The following SUPT3H variants were observed in gnomAD, a reference collection of about 807,000 sequenced individuals.
SUPT3H encodes the protein transcription initiation protein SPT3 homolog.
Under a neutral mutation model 44.3 loss-of-function variants are expected in SUPT3H, and 44 were observed. The observed-to-expected ratio is 0.99, with a 90% CI of 0.78 to 1.28. The LOEUF (loss-of-function observed/expected upper bound fraction) is 1.28, where lower values mean the gene tolerates loss of function less well. Ranked by LOEUF, SUPT3H falls within the 50% of genes most tolerant of loss-of-function variation. The pLI is 0.00. For synonymous variants in SUPT3H, 124 were observed against 125.6 expected, an observed-to-expected ratio of 0.99 and a Z score of 0.09; for missense variants, 380 against 387.1, an observed-to-expected ratio of 0.98 and a Z score of 0.15.
chr6:45,121,518 T>TG (rs35707096), intron 2 of SUPT3H, among the ~76,000 whole-genome samples: 32,128 of 142,284 alleles, frequency 0.23, 3,733 homozygotes, highest in Non-Finnish European at 0.28. Context: ...TGAAATTATG[T>TG]GGGGGGGGGG....
rs975641021 is a variant in SUPT3H, at chr6:44,956,607, G to A, written c.581-2000C>T. ...CTAAGCCTGTGGTTACATTTTTTCC[G>A]GTTATGAAGATGTCTAAATTCTTAA... On this transcript the variant is annotated intron_variant, in intron 7 of 10. Coordinates refer to ENST00000371459, the MANE Select transcript of SUPT3H (RefSeq NM_003599.4). 3.3e-5 allele frequency among the ~76,000 whole-genome samples: 5 copies of A among 151,092 alleles called. No individual in the cohort carries two copies. In the South Asian group the frequency reaches 8.3e-4, roughly 25 times the overall value.
intron 6 of SUPT3H, among the ~76,000 whole-genome samples, chr6:44,987,088 C>T (rs555742434): frequency 1.3e-5 from 2 of 152,222 alleles, no homozygotes; most frequent in South Asian, 2.1e-4. Context: ...GGCTCTCTTC[C>T]TGGCTTACAG....
chr6:45,045,710 T>G (rs1424898925), intron 3 of SUPT3H, among the ~76,000 whole-genome samples: 1 of 152,204 alleles, frequency 6.6e-6, no homozygotes. Context: ...CATTCACATA[T>G]ATTCTTTTAT....
chr6:44,874,766 C>T (rs1447117064), intron 10 of SUPT3H, among the ~76,000 whole-genome samples: 1 of 106,512 alleles, frequency 9.4e-6, no homozygotes, highest in East Asian at 2.8e-4. Flanking sequence ...CGTCTCAGCC[C>T]AAAATCTCCT....
intron 2 of SUPT3H, among the ~76,000 whole-genome samples, chr6:45,157,551 A>C (rs1029979265): frequency 6.6e-6 from 1 of 151,404 alleles, no homozygotes. Flanking sequence ...ATATATATAC[A>C]TATGTATTTC....
intron 6 of SUPT3H, among the ~76,000 whole-genome samples, chr6:44,962,789 T>C (rs1045485075): frequency 2.0e-5 from 3 of 152,172 alleles, no homozygotes; most frequent in African/African-American, 7.2e-5. Flanking sequence ...TGGAGCTTAA[T>C]AGAGAATATA....
intron 2 of SUPT3H, among the ~76,000 whole-genome samples, chr6:45,137,611 G>A (rs1387180705): frequency 6.6e-6 from 1 of 151,678 alleles, no homozygotes; most frequent in African/African-American, 2.4e-5. Context: ...TTATAACAAA[G>A]TTGCAAATTT....
At chr6:44,931,148 T>G (rs923135388) in intron 10 of SUPT3H, among the ~76,000 whole-genome samples, 15 of 152,246 alleles carry the variant, frequency 9.9e-5, no homozygotes, top group Non-Finnish European at 2.1e-4. Context: ...GGGCATTTTC[T>G]CCTTGTATCA....
chr6:44,817,203 A>G (rs1445896278), intron 11 of SUPT3H, among the ~76,000 whole-genome samples: 1 of 152,136 alleles, frequency 6.6e-6, no homozygotes, highest in African/African-American at 2.4e-5. Flanking sequence ...TTCAACAAGT[A>G]AAAATCAATC....
intron 10 of SUPT3H, among the ~76,000 whole-genome samples, chr6:44,883,712 C>T (rs945663442): frequency 6.6e-6 from 1 of 152,120 alleles, no homozygotes; most frequent in Non-Finnish European, 1.5e-5. Context: ...AGAAATAACA[C>T]ACCACACATC....
Position 45,163,325 on chromosome 6 carries a change from A to C in SUPT3H, c.102-57319T>G, listed in dbSNP as rs145799248. On this transcript the variant is annotated intron_variant, in intron 2 of 10. Transcript: ENST00000371459. ...GAAATGCACTACAATACCGCACTTAACTTAGCATTTAGGTAATTTACTGTT... is the reference window on the plus strand; with the variant it reads ...GAAATGCACTACAATACCGCACTTACCTTAGCATTTAGGTAATTTACTGTT... Among the ~76,000 whole-genome samples, 389 of 152,284 alleles carry C rather than the reference A, an allele frequency of 2.6e-3. 3 individuals are homozygous for C. Among genetic ancestry groups the C allele is most frequent in the African/African-American group, 8.5e-3 (354 of 41,574 alleles).
intron 2 of SUPT3H, among the ~76,000 whole-genome samples, chr6:45,342,350 C>T (rs1789966082): frequency 6.6e-6 from 1 of 152,134 alleles, no homozygotes; most frequent in African/African-American, 2.4e-5. Context: ...CAACCTCCGC[C>T]TCCTGGGTTC....
Position 45,308,587 on chromosome 6 carries a change from T to G in SUPT3H, c.101+56614A>C, listed in dbSNP as rs4373351. 2.0e-5 allele frequency among the ~76,000 whole-genome samples: 3 copies of G among 152,002 alleles called. No homozygotes were observed. In the East Asian group the frequency reaches 5.8e-4, roughly 29 times the overall value. On this transcript the variant is annotated intron_variant, in intron 2 of 10. Transcript: ENST00000371459. ...ACCAGGCCTGCCCTACAAGAGCTCC[T>G]GTCCTGGGATCGGGGGAGGGAGGAG...
At chr6:45,100,298 A>C (rs1222377965) in intron 3 of SUPT3H, among the ~76,000 whole-genome samples, 1 of 152,142 alleles carries the variant, frequency 6.6e-6, no homozygotes, top group East Asian at 1.9e-4. Context: ...ACAACCTGCA[A>C]GATGGGAGAA....
At chr6:44,809,952 T>G (rs1283328594) in intron 11 of SUPT3H, among the ~76,000 whole-genome samples, 1 of 152,184 alleles carries the variant, frequency 6.6e-6, no homozygotes, top group Non-Finnish European at 1.5e-5. Flanking sequence ...CGAATAGATA[T>G]AATTTCTTAG....
chr6:44,878,582 G>A (rs945775514), intron 10 of SUPT3H, among the ~76,000 whole-genome samples: 3 of 152,052 alleles, frequency 2.0e-5, no homozygotes, highest in Non-Finnish European at 4.4e-5. Context: ...GAACACTTAC[G>A]CATTGCTCGT....
chr6:45,308,757 A>C (rs201344893), intron 2 of SUPT3H, among the ~76,000 whole-genome samples: 2 of 266 alleles, frequency 7.5e-3, no homozygotes, highest in Non-Finnish European at 0.013. Context: ...AAATAAATTT[A>C]AAAAAAAAAA....
intron 11 of SUPT3H, among the ~76,000 whole-genome samples, chr6:44,813,969 C>T (rs1766728042): frequency 6.6e-6 from 1 of 151,886 alleles, no homozygotes; most frequent in Non-Finnish European, 1.5e-5. Flanking sequence ...AAATATCCAG[C>T]CACAGATTCA....
At chr6:44,881,054 A>G (rs1189650289) in intron 10 of SUPT3H, among the ~76,000 whole-genome samples, 1 of 152,164 alleles carries the variant, frequency 6.6e-6, no homozygotes, top group East Asian at 1.9e-4. Flanking sequence ...CACACATAAT[A>G]ATATTAATGT....
Sources: allele counts gnomAD v4.1 joint callset (sites outside exome capture counted in the v4.1 genomes callset), GRCh38; gene constraint gnomAD v4.1.1; transcripts MANE v1.5; gene names NCBI Gene and HGNC (gene_info 2026-07-23, HGNC 2026-07-21).